HSD17B11: variants seen among roughly 807,000 people sequenced by gnomAD.
HSD17B11 encodes the protein hydroxysteroid 17-beta dehydrogenase 11.
A neutral mutation model predicts 27.8 loss-of-function variants in HSD17B11; 22 were observed. That is an observed-to-expected ratio of 0.79 (90% CI 0.56 to 1.13). The LOEUF is 1.13. Ranked by LOEUF, HSD17B11 falls within the 50% of genes most tolerant of loss-of-function variation. The pLI is 0.00. For missense variants in HSD17B11, 314 were observed against 351.1 expected (o/e 0.89, Z 0.84); for synonymous variants, 117 against 132.8 (o/e 0.88, Z 0.82).
In HSD17B11 at chr4:87,370,880, G is replaced by A. The variant is rs1578042145; in HGVS notation, c.557+1829C>T. ...CCATTCTCCTGCCTCAGCCTCCCGAGTAGCTGGGACTACAGGCGCCCGCTA... is the reference window on the plus strand; with the variant it reads ...CCATTCTCCTGCCTCAGCCTCCCGAATAGCTGGGACTACAGGCGCCCGCTA... On this transcript the variant is annotated intron_variant, in intron 4 of 6. Coordinates refer to ENST00000358290, the MANE Select transcript of HSD17B11 (RefSeq NM_016245.5). 4.1e-5 allele frequency among the ~76,000 whole-genome samples: 5 copies of A among 123,176 alleles called. No homozygotes were observed. In the East Asian group the frequency reaches 1.0e-3, roughly 25 times the overall value. The allele number at this position is 123,176 out of a possible 152,430, so 80.8% of individuals were successfully genotyped here.
At chr4:87,340,101 A>G (rs375280201) in intron 6 of HSD17B11, among the ~76,000 whole-genome samples, 4 of 152,344 alleles carry the variant, frequency 2.6e-5, no homozygotes, top group African/African-American at 9.6e-5. Flanking sequence ...GATTTTGCAC[A>G]AAACAAAAGC....
At chr4:87,337,945 T>C (rs1463809510) in intron 6 of HSD17B11, among the ~76,000 whole-genome samples, 1 of 152,172 alleles carries the variant, frequency 6.6e-6, no homozygotes, top group Non-Finnish European at 1.5e-5. Context: ...TGGCCTGGCG[T>C]GGTGGCTCAC....
intron 1 of HSD17B11, among the ~76,000 whole-genome samples, chr4:87,388,158 A>C (rs1720366770): frequency 8.8e-6 from 1 of 113,838 alleles, no homozygotes; most frequent in African/African-American, 4.0e-5. Flanking sequence ...TCTTTCTAGT[A>C]GTCACACCAA....
At chr4:87,382,127 G>A (rs926625574) in intron 2 of HSD17B11, 128 bp downstream of exon 2, 3 of 683,890 alleles carry the variant, frequency 4.4e-6, no homozygotes, top group Non-Finnish European at 7.6e-6. Context: ...CTATGAGCTA[G>A]TTCTATAACC....
Position 87,391,171 on chromosome 4 carries a change from CGA to C in HSD17B11, c.-103_-102del, listed in dbSNP as rs1422043830. On this transcript the variant is annotated 5_prime_UTR_variant, in exon 1 of 7. Transcript: ENST00000358290. ...GATCTAACACCAGAAAGAGTAGGGG[CGA>C]GAGCAAGGAGGAACTCCCGTATCAA... 2 of 831,062 alleles carry C rather than the reference CGA, an allele frequency of 2.4e-6. No homozygotes were observed. Among genetic ancestry groups the C allele is most frequent in the African/African-American group, 3.5e-5 (2 of 57,318 alleles). 51.5% of individuals were successfully genotyped at this position (831,062 alleles called of 1,614,324 possible). A position where few individuals can be genotyped will look rare whatever the true frequency, so the allele number is the denominator to read the frequency against.
chr4:87,391,037 G>A lies in HSD17B11; in HGVS notation c.34C>T (p.Pro12Ser). The change falls in exon 1 of 7, where the codon CCG becomes TCG. Residue 12 changes from proline (P) to serine (S), a missense_variant. By Grantham distance (74) the Pro-to-Ser change is moderately conservative. Coordinates refer to ENST00000358290, the MANE Select transcript of HSD17B11 (RefSeq NM_016245.5). ...KFLLDILLLLPLLIVCSLESF... is the reference protein window; with the variant it reads ...KFLLDILLLLSLLIVCSLESF... ...TCTAGGGAGCAGACGATCAGTAACG[G>A]GAGAAGCAGGAGGATGTCCAGAAGA... 1.2e-6 allele frequency: 2 copies of A among 1,613,910 alleles called. No individual in the cohort carries two copies. Among genetic ancestry groups the A allele is most frequent in the Non-Finnish European group, 8.5e-7 (1 of 1,179,984 alleles).
chr4:87,373,108 C>G (rs889574691), intron 3 of HSD17B11: 17 of 270,530 alleles, frequency 6.3e-5, no homozygotes, highest in African/African-American at 3.0e-4. Flanking sequence ...GGGAGGCCAA[C>G]TCGGGCAGAT....
chr4:87,379,660 T>TTA (rs1247051947), intron 2 of HSD17B11, among the ~76,000 whole-genome samples: 6 of 145,028 alleles, frequency 4.1e-5, no homozygotes, highest in African/African-American at 1.5e-4. Flanking sequence ...TGTATGTATA[T>TTA]TATATATTAA....
At chr4:87,385,739 C>T (rs1720298690) in intron 1 of HSD17B11, 1 of 151,872 alleles carries the variant, frequency 6.6e-6, no homozygotes, top group African/African-American at 2.4e-5. Context: ...TATAGTGAAA[C>T]CCTGCCTCTA....
At chr4:87,342,407 G>A (rs1256909774) in intron 5 of HSD17B11, among the ~76,000 whole-genome samples, 1 of 150,722 alleles carries the variant, frequency 6.6e-6, no homozygotes, top group Non-Finnish European at 1.5e-5. Context: ...AAAGAAGTGA[G>A]GCAAAAAGTA....
At chr4:87,339,167 G>A (rs1030619856) in intron 6 of HSD17B11, among the ~76,000 whole-genome samples, 2 of 152,178 alleles carry the variant, frequency 1.3e-5, no homozygotes, top group African/African-American at 4.8e-5. Flanking sequence ...TATATTCTAA[G>A]GGGCTGCGAT....
intron 2 of HSD17B11, among the ~76,000 whole-genome samples, chr4:87,377,303 A>G (rs1477028159): frequency 6.6e-6 from 1 of 152,048 alleles, no homozygotes; most frequent in Non-Finnish European, 1.5e-5. Context: ...TACAAAAATT[A>G]GCTAGGCGTG....
At chr4:87,345,446 GAA>G (rs1204052115) in intron 5 of HSD17B11, among the ~76,000 whole-genome samples, 2 of 151,208 alleles carry the variant, frequency 1.3e-5, no homozygotes, top group Non-Finnish European at 1.5e-5. Flanking sequence ...AAAGCAAGCA[GAA>G]AAAAAAGATT....
At chr4:87,353,248 G>A (rs1476499907) in intron 5 of HSD17B11, among the ~76,000 whole-genome samples, 1 of 151,864 alleles carries the variant, frequency 6.6e-6, no homozygotes, top group East Asian at 1.9e-4. Context: ...TCATAAAGGG[G>A]GATTACTGGG....
intron 1 of HSD17B11, among the ~76,000 whole-genome samples, chr4:87,385,545 T>C (rs535279662): frequency 5.3e-5 from 8 of 152,280 alleles, no homozygotes; most frequent in African/African-American, 1.9e-4. Context: ...TTAATGCCAC[T>C]AAACTGTACA....
chr4:87,358,416 T>TAAAA (rs1427939673), intron 4 of HSD17B11, among the ~76,000 whole-genome samples: 19 of 152,212 alleles, frequency 1.2e-4, no homozygotes, highest in African/African-American at 4.3e-4. Flanking sequence ...TGCAAAGCGT[T>TAAAA]TATTTTAACA....
At chr4:87,374,501 T>C in intron 3 of HSD17B11, 198 bp downstream of exon 3, 1 of 410,360 alleles carries the variant, frequency 2.4e-6, no homozygotes, top group East Asian at 4.9e-5. Flanking sequence ...TTTATTATTG[T>C]TATTATTAAT....
At chr4:87,359,810 G>A (rs1431005417) in intron 4 of HSD17B11, among the ~76,000 whole-genome samples, 2 of 152,154 alleles carry the variant, frequency 1.3e-5, no homozygotes, top group African/African-American at 2.4e-5. Context: ...CAGGTTTTAC[G>A]TGTGGGTAGT....
intron 4 of HSD17B11, among the ~76,000 whole-genome samples, chr4:87,367,129 T>C (rs1735625516): frequency 6.6e-6 from 1 of 152,212 alleles, no homozygotes; most frequent in African/African-American, 2.4e-5. Context: ...TATAGTTGTT[T>C]GTATAAGTGC....
Sources: gnomAD v4.1 joint callset for allele counts (sites outside exome capture counted in the v4.1 genomes callset) on GRCh38, gnomAD v4.1.1 for gene constraint, MANE v1.5 for transcripts, NCBI Gene and HGNC (gene_info 2026-07-23, HGNC 2026-07-21) for gene names.